The following ATP6V0A4 variants were observed in gnomAD, a reference collection of about 807,000 sequenced individuals.
ATP6V0A4 encodes the protein V-type proton ATPase 116 kDa subunit a 4.
ATP6V0A4 carries 86 observed loss-of-function variants against 107.3 expected under a neutral mutation model. That is an observed-to-expected ratio of 0.80 (90% CI 0.67 to 0.96). ATP6V0A4 has a LOEUF of 0.96. Among genes scored for constraint, ATP6V0A4 ranks in the 40% least tolerant of loss-of-function variants. The probability of loss-of-function intolerance (pLI) is 0.00; values close to 1 mark genes in which losing one functional copy is unlikely to be tolerated. For synonymous variants in ATP6V0A4, 353 were observed against 381.4 expected (o/e 0.93, Z 0.87); for missense variants, 908 against 1,045.6 (o/e 0.87, Z 1.81).
upstream of ATP6V0A4, chr7:138,798,196 TGAGCTTTATTCATGGCCAG>T: frequency 6.3e-7 from 1 of 1,582,250 alleles, no homozygotes; most frequent in Non-Finnish European, 8.6e-7. Flanking sequence ...GGTAGCGTTA[TGAGCTTTATTCATGGCCAG>T]GCTGGGAAGG....
At chr7:138,789,783 C>A (rs961917922) in intron 1 of ATP6V0A4, among the ~76,000 whole-genome samples, 22 of 80,624 alleles carry the variant, frequency 2.7e-4, no homozygotes, top group Admixed American at 9.3e-4. Flanking sequence ...CCAGCCTGAC[C>A]AACATGGAGA....
Position 138,749,210 on chromosome 7 carries a change from A to C in ATP6V0A4, c.1137T>G (p.Ile379Met), listed in dbSNP as rs1423622926. 2 of 1,613,932 alleles carry C rather than the reference A, an allele frequency of 1.2e-6. No individual in the cohort carries two copies. The highest frequency in any genetic ancestry group is 2.2e-5 in the South Asian group (2 of 91,072). ...TNKFTAGFQN[I>M]VDAYGVGSYR... ...AGCTGCCGACACCATAGGCATCAACAATATTCTGGAAGCCAGCTGTGAATT... is the reference window on the plus strand; with the variant it reads ...AGCTGCCGACACCATAGGCATCAACCATATTCTGGAAGCCAGCTGTGAATT... The change falls in exon 12 of 22, where the codon ATT becomes ATG. Residue 379 changes from isoleucine (I) to methionine (M), a missense_variant. Coordinates refer to ENST00000310018, the MANE Select transcript of ATP6V0A4 (RefSeq NM_020632.3).
At chr7:138,758,083 C>G (rs558541200) in intron 8 of ATP6V0A4, among the ~76,000 whole-genome samples, 4 of 152,276 alleles carry the variant, frequency 2.6e-5, no homozygotes, top group Admixed American at 2.0e-4. Flanking sequence ...TGACCTTCGG[C>G]GTCCACGCTC....
intron 2 of ATP6V0A4, among the ~76,000 whole-genome samples, chr7:138,775,537 C>A (rs1253543969): frequency 2.0e-5 from 3 of 151,812 alleles, no homozygotes; most frequent in East Asian, 1.9e-4. Context: ...AGTGTGGTGG[C>A]GCAAACACAG....
chr7:138,770,513 C>T (rs543318606), intron 3 of ATP6V0A4, among the ~76,000 whole-genome samples: 3 of 152,280 alleles, frequency 2.0e-5, no homozygotes, highest in Admixed American at 6.5e-5. Flanking sequence ...ACTAGGGATG[C>T]GAACAACAAG....
chr7:138,707,733 T>TCATCTGTCTCTTACCACCTTCCCC lies in ATP6V0A4; in HGVS notation c.2430-1040_2430-1017dup, dbSNP rs1803519936. On this transcript the variant is annotated intron_variant, in intron 21 of 21. Coordinates refer to ENST00000310018, the MANE Select transcript of ATP6V0A4 (RefSeq NM_020632.3). Reference sequence around the variant, plus strand: ...TCTGAGGATTTTTTAAGCCCTTCTCTCATCTGTCTCTTACCACCTTCCCCT... The same window carrying TCATCTGTCTCTTACCACCTTCCCC: ...TCTGAGGATTTTTTAAGCCCTTCTCTCATCTGTCTCTTACCACCTTCCCCCATCTGTCTCTTACCACCTTCCCCT... Among the ~76,000 whole-genome samples the TCATCTGTCTCTTACCACCTTCCCC allele has an allele frequency of 6.6e-5, 10 of 151,472 alleles. 1 individual carries two copies. The South Asian group carries it at 2.1e-3, about 32-fold the overall frequency.
intron 1 of ATP6V0A4, among the ~76,000 whole-genome samples, chr7:138,797,239 G>C (rs1206453719): frequency 7.1e-6 from 1 of 140,410 alleles, no homozygotes; most frequent in African/African-American, 2.8e-5. Flanking sequence ...TTTGGAGATG[G>C]AGTCTCCCTC....
chr7:138,742,588 C>T (rs957933142), intron 14 of ATP6V0A4, among the ~76,000 whole-genome samples: 13 of 152,044 alleles, frequency 8.6e-5, no homozygotes, highest in African/African-American at 2.7e-4. Context: ...GCAACAGTGC[C>T]ATCACGGTTC....
At chr7:138,745,491 A>G (rs1378520361) in intron 13 of ATP6V0A4, 1 of 242,678 alleles carries the variant, frequency 4.1e-6, no homozygotes, top group Non-Finnish European at 6.6e-6. Flanking sequence ...CTAGGCTGGT[A>G]TTTGTTATCA....
chr7:138,790,602 C>T (rs535064691), intron 1 of ATP6V0A4, among the ~76,000 whole-genome samples: 43 of 152,222 alleles, frequency 2.8e-4, no homozygotes, highest in African/African-American at 7.9e-4. Context: ...GTCCCAAAAA[C>T]GGTTTTAATA....
intron 7 of ATP6V0A4, 56 bp downstream of exon 7, chr7:138,762,284 C>T: frequency 6.3e-7 from 1 of 1,587,518 alleles, no homozygotes; most frequent in Non-Finnish European, 8.7e-7. Flanking sequence ...CATTCACTCA[C>T]TCAGAAATCA....
In ATP6V0A4 at chr7:138,725,867, G is replaced by A. The variant is rs368125472; in HGVS notation, c.2010+2894C>T. Reference sequence around the variant, plus strand: ...TTCTCGATTTAAGTGCTGGTGACACGAACGTGTTCATGCTGCGATACTTCA... The same window carrying A: ...TTCTCGATTTAAGTGCTGGTGACACAAACGTGTTCATGCTGCGATACTTCA... On this transcript the variant is annotated intron_variant, in intron 18 of 21. Coordinates refer to ENST00000310018, the MANE Select transcript of ATP6V0A4 (RefSeq NM_020632.3). 1.0e-3 allele frequency among the ~76,000 whole-genome samples: 156 copies of A among 152,140 alleles called. 1 individual carries two copies. The highest frequency in any genetic ancestry group is 3.5e-3 in the African/African-American group (146 of 41,496).
intron 14 of ATP6V0A4, among the ~76,000 whole-genome samples, chr7:138,739,879 A>T (rs565268729): frequency 6.6e-6 from 1 of 152,320 alleles, no homozygotes; most frequent in South Asian, 2.1e-4. Flanking sequence ...GCAGTGGCTT[A>T]CATTCATAAT....
intron 1 of ATP6V0A4, among the ~76,000 whole-genome samples, chr7:138,796,699 T>C (rs1808681597): frequency 6.6e-6 from 1 of 152,142 alleles, no homozygotes; most frequent in Non-Finnish European, 1.5e-5. Flanking sequence ...GTTCATCCCA[T>C]CCTCCTTTTT....
chr7:138,722,744 CAAAAAAAAAAAA>C (rs71169049), intron 18 of ATP6V0A4, among the ~76,000 whole-genome samples: 2 of 33,466 alleles, frequency 6.0e-5, no homozygotes, highest in South Asian at 1.3e-3. Context: ...GACTCCATCT[CAAAAAAAAAAAA>C]AAAAAAAAAA....
intron 6 of ATP6V0A4, 82 bp downstream of exon 6, chr7:138,762,818 A>C (rs781644603): frequency 6.1e-6 from 9 of 1,481,148 alleles, no homozygotes; most frequent in Non-Finnish European, 8.5e-6. Flanking sequence ...ATTTACTCAG[A>C]TCCCAGGCCA....
intron 14 of ATP6V0A4, among the ~76,000 whole-genome samples, chr7:138,743,913 C>G (rs1328727396): frequency 6.6e-6 from 1 of 152,210 alleles, no homozygotes; most frequent in Non-Finnish European, 1.5e-5. Context: ...GTTCACTTCA[C>G]AGTCCCCTCT....
chr7:138,751,872 G>T (rs949974998), intron 11 of ATP6V0A4, among the ~76,000 whole-genome samples: 1 of 152,074 alleles, frequency 6.6e-6, no homozygotes, highest in Non-Finnish European at 1.5e-5. Flanking sequence ...GCATGGTGGC[G>T]CGTGCCTGTA....
intron 11 of ATP6V0A4, among the ~76,000 whole-genome samples, chr7:138,750,580 G>A (rs1005963601): frequency 1.3e-5 from 2 of 152,170 alleles, no homozygotes; most frequent in Non-Finnish European, 2.9e-5. Flanking sequence ...CCGACAGCAC[G>A]TGCCACATGC....
Sources: gnomAD v4.1 joint callset for allele counts (sites outside exome capture counted in the v4.1 genomes callset) on GRCh38, gnomAD v4.1.1 for gene constraint, MANE v1.5 for transcripts, NCBI Gene and HGNC (gene_info 2026-07-23, HGNC 2026-07-21) for gene names.